The following CMTM7 variants were observed in gnomAD, a reference collection of about 807,000 sequenced individuals.
The protein encoded by CMTM7 is CKLF-like MARVEL transmembrane domain-containing protein 7.
A neutral mutation model predicts 19.3 loss-of-function variants in CMTM7; 7 were observed. The ratio of observed to expected loss-of-function variants is 0.36; its 90% CI spans 0.21 to 0.68. The LOEUF is 0.68. CMTM7 is among the 30% of genes least tolerant of loss of function. CMTM7 has a pLI of 0.60. For missense variants in CMTM7, 193 were observed against 232.6 expected (o/e 0.83, Z 1.11); for synonymous variants, 87 against 99.3 (o/e 0.88, Z 0.74).
intron 1 of CMTM7, among the ~76,000 whole-genome samples, chr3:32,425,658 T>C (rs1040982126): frequency 6.6e-6 from 1 of 152,156 alleles, no homozygotes; most frequent in Non-Finnish European, 1.5e-5. Flanking sequence ...GTTGTATATA[T>C]AGTACATTCC....
intron 1 of CMTM7, among the ~76,000 whole-genome samples, chr3:32,416,198 G>A (rs1015515954): frequency 3.1e-5 from 4 of 130,976 alleles, no homozygotes; most frequent in South Asian, 2.7e-4. Context: ...GTACTTTTTT[G>A]TGTTTTGTTT....
intron 2 of CMTM7, among the ~76,000 whole-genome samples, chr3:32,442,221 C>T (rs536878679): frequency 4.6e-5 from 7 of 152,230 alleles, no homozygotes; most frequent in African/African-American, 1.7e-4. Context: ...TACAAGAAGG[C>T]TGTGGCTGGC....
At position 32,434,694 on chromosome 3, in the gene CMTM7, A is replaced by G. The variant is rs1696571605; in HGVS notation, c.160-7146A>G. 2.6e-5 allele frequency among the ~76,000 whole-genome samples: 4 copies of G among 151,982 alleles called. 1 individual carries two copies. Among genetic ancestry groups the G allele is most frequent in the Middle Eastern group, 6.8e-3 (2 of 294 alleles). ...AAAAATGATGCATAGATTTGACTGTATAAAAACTTTTAACTTTAGTCAAAC... is the reference window on the plus strand; with the variant it reads ...AAAAATGATGCATAGATTTGACTGTGTAAAAACTTTTAACTTTAGTCAAAC... On this transcript the variant is annotated intron_variant, in intron 1 of 4. Coordinates refer to ENST00000334983, the MANE Select transcript of CMTM7 (RefSeq NM_138410.4).
At chr3:32,433,796 G>A (rs947825364) in intron 1 of CMTM7, among the ~76,000 whole-genome samples, 1 of 152,112 alleles carries the variant, frequency 6.6e-6, no homozygotes, top group Non-Finnish European at 1.5e-5. Context: ...AACCAATGGG[G>A]AAAAAGTGAG....
At chr3:32,453,868 G>T (rs974211726) in intron 4 of CMTM7, among the ~76,000 whole-genome samples, 7 of 152,152 alleles carry the variant, frequency 4.6e-5, no homozygotes, top group African/African-American at 1.7e-4. Context: ...ATTTTTAAAC[G>T]TAGAGAATAT....
intron 1 of CMTM7, among the ~76,000 whole-genome samples, chr3:32,416,361 ATTTTTTTTTTTTTTTTT>A (rs58085712): frequency 1.4e-5 from 1 of 72,442 alleles, no homozygotes; most frequent in Non-Finnish European, 2.5e-5. Context: ...ATCCGGGCTA[ATTTTTTTTTTTTTTTTT>A]TTTTTTTTTT....
At chr3:32,429,296 A>ATTT (rs35500364) in intron 1 of CMTM7, among the ~76,000 whole-genome samples, 8 of 139,900 alleles carry the variant, frequency 5.7e-5, no homozygotes, top group Non-Finnish European at 1.2e-4. Context: ...TGAGTAGTGT[A>ATTT]TTTTTTTTTT....
chr3:32,425,493 G>A (rs1486034732), intron 1 of CMTM7, among the ~76,000 whole-genome samples: 3 of 147,578 alleles, frequency 2.0e-5, no homozygotes, highest in African/African-American at 5.0e-5. Flanking sequence ...GACTTTCCAG[G>A]AAAAAAAAAA....
intron 1 of CMTM7, among the ~76,000 whole-genome samples, chr3:32,427,147 T>A (rs2125633203): frequency 1.3e-5 from 2 of 152,302 alleles, no homozygotes; most frequent in South Asian, 4.1e-4. Flanking sequence ...AGAAATGAAC[T>A]CAGGGCATGG....
intron 1 of CMTM7, among the ~76,000 whole-genome samples, chr3:32,410,746 A>AT (rs1173454732): frequency 6.6e-6 from 1 of 152,228 alleles, no homozygotes; most frequent in Non-Finnish European, 1.5e-5. Context: ...GCCTGTTGTG[A>AT]TAGCACCTTT....
chr3:32,422,160 G>C (rs1696353922), intron 1 of CMTM7, among the ~76,000 whole-genome samples: 1 of 152,172 alleles, frequency 6.6e-6, no homozygotes, highest in South Asian at 2.1e-4. Flanking sequence ...CAACAATAGT[G>C]ATTTTTCATC....
chr3:32,429,747 C>T (rs1319991061), intron 1 of CMTM7, among the ~76,000 whole-genome samples: 1 of 151,872 alleles, frequency 6.6e-6, no homozygotes, highest in South Asian at 2.1e-4. Context: ...ACTACAGGCG[C>T]CCGCCACCAC....
chr3:32,422,606 A>G (rs1696361839), intron 1 of CMTM7, among the ~76,000 whole-genome samples: 1 of 152,206 alleles, frequency 6.6e-6, no homozygotes, highest in Non-Finnish European at 1.5e-5. Context: ...TCCTTTTTAA[A>G]AGCTAGGGTT....
chr3:32,413,663 T>A (rs930346799), intron 1 of CMTM7, among the ~76,000 whole-genome samples: 1 of 152,210 alleles, frequency 6.6e-6, no homozygotes, highest in Non-Finnish European at 1.5e-5. Context: ...ACGATAGCTT[T>A]CTCCCTCAGC....
chr3:32,399,056 G>A (rs1278796489), intron 1 of CMTM7, among the ~76,000 whole-genome samples: 1 of 152,090 alleles, frequency 6.6e-6, no homozygotes, highest in Non-Finnish European at 1.5e-5. Context: ...AGGGCTGGAG[G>A]GGAGAGAACA....
chr3:32,425,294 G>A (rs1696413824), intron 1 of CMTM7, among the ~76,000 whole-genome samples: 1 of 152,098 alleles, frequency 6.6e-6, no homozygotes, highest in Admixed American at 6.6e-5. Context: ...TCTCAGCAAG[G>A]GCTGTAGATC....
chr3:32,433,867 A>C (rs1361522554), intron 1 of CMTM7, among the ~76,000 whole-genome samples: 1 of 152,060 alleles, frequency 6.6e-6, no homozygotes, highest in Non-Finnish European at 1.5e-5. Flanking sequence ...GAACCCTACT[A>C]TTTGCCCTAG....
At position 32,454,470 on chromosome 3, in the gene CMTM7, C is replaced by T. The variant is rs1575129409; in HGVS notation, c.*216C>T. On this transcript the variant is annotated 3_prime_UTR_variant, in exon 5 of 5. Coordinates refer to ENST00000334983, the MANE Select transcript of CMTM7 (RefSeq NM_138410.4). ...CCTCCAGCCTTCCGGGGAGAACATCCCTCCCATTCTGGGAAAGGAAAGCAG... is the reference window on the plus strand; with the variant it reads ...CCTCCAGCCTTCCGGGGAGAACATCTCTCCCATTCTGGGAAAGGAAAGCAG... 17 of 706,598 alleles carry T rather than the reference C, an allele frequency of 2.4e-5. 1 individual carries two copies. The highest frequency in any genetic ancestry group is 1.7e-4 in the African/African-American group (10 of 57,430). 43.8% of individuals were successfully genotyped at this position (706,598 alleles called of 1,614,324 possible). A position where few individuals can be genotyped will look rare whatever the true frequency, so the allele number is the denominator to read the frequency against.
rs1037638338 is a variant in CMTM7 at position 32,454,695 on chromosome 3, C to G, written c.*441C>G. The G allele has an allele frequency of 5.7e-6, 2 of 350,530 alleles. No homozygotes were observed. Among genetic ancestry groups the G allele is most frequent in the African/African-American group, 2.1e-5 (1 of 46,800 alleles). The allele number at this position is 350,530 out of a possible 1,614,324, so 21.7% of individuals were successfully genotyped here. A position where few individuals can be genotyped will look rare whatever the true frequency, so the allele number is the denominator to read the frequency against. On this transcript the variant is annotated 3_prime_UTR_variant, in exon 5 of 5. Coordinates refer to ENST00000334983, the MANE Select transcript of CMTM7 (RefSeq NM_138410.4). The stretch of plus-strand genomic sequence containing the variant: ...TTGTCAGTCCGGTCTTAGAGATACC[C>G]TCTTTCCTGAAGTGAGGCGTGCCTG...
Sources: allele counts gnomAD v4.1 joint callset (sites outside exome capture counted in the v4.1 genomes callset), GRCh38; gene constraint gnomAD v4.1.1; transcripts MANE v1.5; gene names NCBI Gene and HGNC (gene_info 2026-07-23, HGNC 2026-07-21).